The following WDR47 variants were observed in gnomAD, a reference collection of about 807,000 sequenced individuals.
WDR47 encodes WD repeat domain 47, also known as WD repeat-containing protein 47.
A neutral mutation model predicts 97.2 loss-of-function variants in WDR47; 32 were observed. The observed-to-expected ratio is 0.33, with a 90% CI of 0.25 to 0.44. The LOEUF (loss-of-function observed/expected upper bound fraction) is 0.44. WDR47 is among the 20% of genes least tolerant of loss of function. The pLI is 1.00. For missense variants in WDR47, 782 were observed against 1,102.3 expected, an observed-to-expected ratio of 0.71 and a Z score of 4.11; for synonymous variants, 375 against 373.5, an observed-to-expected ratio of 1.00 and a Z score of -0.05.
At chr1:108,990,054 A>C (rs1433741979) in intron 9 of WDR47, among the ~76,000 whole-genome samples, 1 of 152,138 alleles carries the variant, frequency 6.6e-6, no homozygotes, top group Non-Finnish European at 1.5e-5. Context: ...ATAAAAATCT[A>C]GATTTCTAGC....
chr1:108,976,293 T>G (rs1657885053), intron 13 of WDR47, among the ~76,000 whole-genome samples: 1 of 126,482 alleles, frequency 7.9e-6, no homozygotes, highest in Non-Finnish European at 1.7e-5. Flanking sequence ...TTAATTAAAA[T>G]AAAGCAAAAA....
Position 109,031,062 on chromosome 1 carries a change from G to A in WDR47, c.-9-7541C>T, listed in dbSNP as rs911073427. Among the ~76,000 whole-genome samples, 19 of 139,668 alleles carry A rather than the reference G, an allele frequency of 1.4e-4. 1 individual carries two copies. The highest frequency in any genetic ancestry group is 4.6e-4 in the African/African-American group (18 of 38,956). The allele number at this position is 139,668 out of a possible 152,430, so 91.6% of individuals were successfully genotyped here. A position where few individuals can be genotyped will look rare whatever the true frequency, so the allele number is the denominator to read the frequency against. On this transcript the variant is annotated intron_variant, in intron 1 of 14. Transcript: ENST00000369962. ...AGAATATATAGAAAATATAAAGTCC[G>A]GGATAATCAGAAGCCTGTAATTAAT...
rs1353818424 is a variant in WDR47 at position 109,002,306 on chromosome 1, G to A, written c.1351C>T (p.Gln451Ter). 1.2e-6 allele frequency: 2 copies of A among 1,612,868 alleles called. No homozygotes were observed. The highest frequency in any genetic ancestry group is 1.7e-6 in the Non-Finnish European group (2 of 1,179,804). ...ACGCCTCCTTCAAGCAACATCTGTT[G>A]GTATATCTGCCGCTGTTGCTCCTTC... ...EQKEQQRQIY[Q>*]QMLLEGGVNQ... is the part of the protein sequence containing the mutation. The change falls in exon 7 of 15, where the codon CAA (glutamine) becomes TAA (stop). Residue 451 changes from glutamine (Q) to a stop codon, truncating the protein, a stop_gained. Coordinates refer to ENST00000369962, the MANE Select transcript of WDR47 (RefSeq NM_001142551.2). LOFTEE classifies it high-confidence loss of function.
rs1452010690 is a variant in WDR47 at position 109,017,976 on chromosome 1, T to C, written c.159-375A>G. 3.3e-5 allele frequency among the ~76,000 whole-genome samples: 5 copies of C among 151,608 alleles called. No homozygotes were observed. In the South Asian group the frequency reaches 8.4e-4, roughly 25 times the overall value. On this transcript the variant is annotated intron_variant, in intron 2 of 14. Coordinates refer to ENST00000369962, the MANE Select transcript of WDR47 (RefSeq NM_001142551.2). ...GTTGGCCAGGCTGGTCTCAAGCTCCTGACCTCAGGTGATCCACCCACCTCA... is the reference window on the plus strand; with the variant it reads ...GTTGGCCAGGCTGGTCTCAAGCTCCCGACCTCAGGTGATCCACCCACCTCA...
intron 2 of WDR47, among the ~76,000 whole-genome samples, chr1:109,021,530 A>AG (rs1411751805): frequency 2.6e-5 from 4 of 151,278 alleles, no homozygotes; most frequent in Non-Finnish European, 5.9e-5. Flanking sequence ...TCTATCTCAA[A>AG]AAAAAAAAAA....
chr1:108,992,920 A>ATT (rs966261913), intron 8 of WDR47: 24 of 983,860 alleles, frequency 2.4e-5, no homozygotes, highest in Non-Finnish European at 1.8e-5. Flanking sequence ...GCTAAATAAT[A>ATT]TTTTTTTAAT....
intron 13 of WDR47, among the ~76,000 whole-genome samples, chr1:108,979,432 G>A (rs564250111): frequency 1.3e-5 from 2 of 152,158 alleles, no homozygotes; most frequent in Non-Finnish European, 2.9e-5. Context: ...AAGCTAAGGC[G>A]GGAGGATGGC....
chr1:109,003,225 C>T (rs915363850), intron 6 of WDR47, among the ~76,000 whole-genome samples: 10 of 152,088 alleles, frequency 6.6e-5, no homozygotes, highest in Admixed American at 1.3e-4. Flanking sequence ...TTGGATGTTT[C>T]ATCCATTATT....
intron 14 of WDR47, among the ~76,000 whole-genome samples, chr1:108,971,857 C>T (rs1290057457): frequency 6.6e-6 from 1 of 152,080 alleles, no homozygotes; most frequent in Non-Finnish European, 1.5e-5. Flanking sequence ...TCATCTTTTG[C>T]TAGTTTCCCT....
At chr1:109,009,093 AT>A (rs910535277) in intron 5 of WDR47, among the ~76,000 whole-genome samples, 2 of 152,024 alleles carry the variant, frequency 1.3e-5, no homozygotes, top group African/African-American at 2.4e-5. Context: ...CAAAAAAAAA[AT>A]AAAAATAAAA....
rs182316767 is a variant in WDR47, at chr1:108,974,995, G to A, written c.2399-241C>T. Among the ~76,000 whole-genome samples, 50 of 152,274 alleles carry A rather than the reference G, an allele frequency of 3.3e-4. 2 individuals are homozygous for A. The East Asian group carries it at 8.3e-3, about 25-fold the overall frequency. On this transcript the variant is annotated intron_variant, in intron 13 of 14. Transcript: ENST00000369962. ...CCATTTTTTGTCATTTGAGAGAACT[G>A]TGTGCAACAGCATCACCTATAGTGC... is the stretch of plus-strand genomic sequence containing the variant.
chr1:109,023,829 T>C (rs1662019114), intron 1 of WDR47, among the ~76,000 whole-genome samples: 1 of 152,176 alleles, frequency 6.6e-6, no homozygotes, highest in East Asian at 1.9e-4. Context: ...GAAACAAGAA[T>C]GATTATGGTT....
At position 109,023,435 on chromosome 1, in the gene WDR47, C is replaced by G. The variant is rs766459918; in HGVS notation, c.78G>C (p.Lys26Asn). Residue 26 changes from lysine to asparagine, a missense_variant, in exon 2 of 15, where the codon AAG becomes AAC. Coordinates refer to ENST00000369962, the MANE Select transcript of WDR47 (RefSeq NM_001142551.2). ...KLILDFLNSK[K>N]LHISMLALEK... ...CCAGGGCCAGCATACTAATGTGAAG[C>G]TTCTTTGAATTCAGGAAGTCCAAAA... 1 of 1,613,772 alleles carries G rather than the reference C, an allele frequency of 6.2e-7. No individual in the cohort carries two copies. The highest frequency in any genetic ancestry group is 1.1e-5 in the South Asian group (1 of 91,062).
chr1:109,011,417 A>T lies in WDR47; in HGVS notation c.629T>A (p.Phe210Tyr), dbSNP rs757122095. Residue 210 changes from phenylalanine to tyrosine, a missense_variant, in exon 5 of 15, where the codon TTT (phenylalanine) becomes TAT (tyrosine). Physicochemically the swap from Phe to Tyr is conservative, Grantham distance 22 (BLOSUM62 3). This residue lies in a region of WDR47 where 428 missense variants were observed against 584.3 expected (regional missense o/e 0.73). Transcript: ENST00000369962. ...KGLLYECCVE[F>Y]CQSKATGEEI... ...TTCTCCAGTTGCTTTACTCTGACAA[A>T]ATTCTACACAGCATTCATAAAGCAG... 6.2e-7 allele frequency: 1 copy of T among 1,614,182 alleles called. No homozygotes were observed. Among genetic ancestry groups the T allele is most frequent in the Non-Finnish European group, 8.5e-7 (1 of 1,180,036 alleles).
chr1:108,978,384 C>A lies in WDR47; in HGVS notation c.2398+3349G>T, dbSNP rs559243940. On this transcript the variant is annotated intron_variant, in intron 13 of 14. Transcript: ENST00000369962. ...GTCCCAGCTACTCAGGAGGCTGAGG[C>A]AGGAGAATGGCGTGAACCCGGGAGG... 2.6e-5 allele frequency among the ~76,000 whole-genome samples: 4 copies of A among 151,692 alleles called. No individual in the cohort carries two copies. The South Asian group carries it at 8.3e-4, about 31-fold the overall frequency.
rs181292753 is a variant in WDR47, at chr1:109,011,209, T to C, written c.837A>G (p.Ala279=). Residue 279 remains alanine, a synonymous_variant, in exon 5 of 15, where the codon GCA becomes GCG. Transcript: ENST00000369962. ...VDKLLKPTKA[A]YADLLTPLIS... is the part of the protein sequence containing the mutation. The stretch of plus-strand genomic sequence containing the variant: ...TAAGAGGAGTCAAAAGATCAGCATA[T>C]GCAGCTTTTGTAGGTTTCAGAAGTT... 41 of 1,614,168 alleles carry C rather than the reference T, an allele frequency of 2.5e-5. No individual in the cohort carries two copies. The East Asian group carries it at 5.1e-4, about 20-fold the overall frequency.
At chr1:109,039,993 G>A (rs1251189003) in intron 1 of WDR47, among the ~76,000 whole-genome samples, 1 of 140,454 alleles carries the variant, frequency 7.1e-6, no homozygotes, top group African/African-American at 2.7e-5. Flanking sequence ...CCGAGATCAT[G>A]CCACTGAACT....
At chr1:108,991,229 A>G (rs1228712907) in intron 9 of WDR47, 25 bp downstream of exon 9, 44 of 1,592,246 alleles carry the variant, frequency 2.8e-5, no homozygotes, top group Non-Finnish European at 3.6e-5. Flanking sequence ...TGAAAACAAT[A>G]AAACTTCCTT....
At chr1:108,972,156 T>C (rs963105856) in intron 14 of WDR47, among the ~76,000 whole-genome samples, 1 of 152,106 alleles carries the variant, frequency 6.6e-6, no homozygotes, top group African/African-American at 2.4e-5. Flanking sequence ...CCTGCCTCCC[T>C]TATCTCAATG....
Sources: allele counts gnomAD v4.1 joint callset (sites outside exome capture counted in the v4.1 genomes callset), GRCh38; gene constraint gnomAD v4.1.1; regional missense constraint gnomAD v4.1.1; transcripts MANE v1.5; gene names NCBI Gene and HGNC (gene_info 2026-07-23, HGNC 2026-07-21).